The following DNAH14 variants were observed in gnomAD, a reference collection of about 807,000 sequenced individuals.
The protein encoded by DNAH14 is dynein axonemal heavy chain 14.
In DNAH14, 478 loss-of-function variants were observed where a neutral mutation model predicts 520.9. The observed-to-expected ratio is 0.92, with a 90% CI of 0.85 to 0.99. DNAH14 has a LOEUF of 0.99. Ranked by LOEUF, DNAH14 falls within the 50% of genes least tolerant of loss-of-function variation. The pLI is 0.00. For synonymous variants in DNAH14, 1,581 were observed against 1,757.2 expected, an observed-to-expected ratio of 0.90 and a Z score of 2.51; for missense variants, 4,831 against 5,234.5, an observed-to-expected ratio of 0.92 and a Z score of 2.38.
intron 5 of DNAH14, among the ~76,000 whole-genome samples, chr1:224,967,074 C>G (rs1003910221): frequency 6.6e-6 from 1 of 151,892 alleles, no homozygotes; most frequent in Non-Finnish European, 1.5e-5. Context: ...TTAATATGCC[C>G]AAAAGATTTC....
At chr1:225,076,299 C>G (rs559346946) in intron 17 of DNAH14, among the ~76,000 whole-genome samples, 1 of 152,244 alleles carries the variant, frequency 6.6e-6, no homozygotes, top group Admixed American at 6.5e-5. Flanking sequence ...CTGTGAGGAC[C>G]AGCTTGGAGT....
At chr1:225,335,205 GTA>G (rs2094911957) in intron 66 of DNAH14, among the ~76,000 whole-genome samples, 2 of 140,296 alleles carry the variant, frequency 1.4e-5, no homozygotes, top group Non-Finnish European at 3.2e-5. Flanking sequence ...ATGCACACAC[GTA>G]CATGTGTGTA....
chr1:224,977,632 A>G (rs1455470981), intron 8 of DNAH14, among the ~76,000 whole-genome samples: 1 of 152,232 alleles, frequency 6.6e-6, no homozygotes, highest in African/African-American at 2.4e-5. Context: ...TACATTAAAT[A>G]GGTACAGCTT....
At chr1:225,101,862 T>G (rs926902339) in intron 23 of DNAH14, among the ~76,000 whole-genome samples, 2 of 152,078 alleles carry the variant, frequency 1.3e-5, no homozygotes, top group African/African-American at 2.4e-5. Context: ...TCCTTTCTTT[T>G]GGGTATATAC....
At chr1:224,984,390 C>CT (rs1308865932) in intron 8 of DNAH14, among the ~76,000 whole-genome samples, 1 of 152,156 alleles carries the variant, frequency 6.6e-6, no homozygotes, top group African/African-American at 2.4e-5. Flanking sequence ...CAAAAATCAA[C>CT]TGAAGATGGA....
At chr1:225,205,827 C>T in intron 39 of DNAH14, 144 bp from the exon 40 acceptor site, 1 of 633,594 alleles carries the variant, frequency 1.6e-6, no homozygotes, top group Admixed American at 2.9e-5. Context: ...CCAGGGACTA[C>T]ATATAAACAC....
rs564325546 is a variant in DNAH14, at chr1:225,013,650, A to G, written c.1107+6106A>G. ...GCTGCCTTTCTTTCAGAGATGCCCT[A>G]CCCAGAGAGGAGGAATCTAGAGAAG... On this transcript the variant is annotated intron_variant, in intron 10 of 85. Coordinates refer to ENST00000682510, the MANE Select transcript of DNAH14 (RefSeq NM_001367479.1). 3.3e-5 allele frequency among the ~76,000 whole-genome samples: 5 copies of G among 152,218 alleles called. No homozygotes were observed. In the East Asian group the frequency reaches 9.7e-4, roughly 29 times the overall value.
chr1:225,062,300 AAAAG>A (rs2148424320), intron 17 of DNAH14, among the ~76,000 whole-genome samples: 1 of 152,200 alleles, frequency 6.6e-6, no homozygotes, highest in South Asian at 2.1e-4. Context: ...CTGTATCTCA[AAAAG>A]AGAGAGAGAG....
chr1:225,130,829 TAATAA>T lies in DNAH14; in HGVS notation c.4254+7228_4254+7232del, dbSNP rs578132654. Among the ~76,000 whole-genome samples the T allele has an allele frequency of 6.2e-3, 768 of 123,212 alleles. 6 individuals carry two copies. The highest frequency in any genetic ancestry group is 0.019 in the African/African-American group (720 of 38,592). 80.8% of individuals were successfully genotyped at this position (123,212 alleles called of 152,430 possible). The stretch of plus-strand genomic sequence containing the variant: ...AAAACTTAAAGTATAATAATAATAA[TAATAA>T]AATAAAATAAAAAAAGGAAAAAATG... On this transcript the variant is annotated intron_variant, in intron 27 of 85. Coordinates refer to ENST00000682510, the MANE Select transcript of DNAH14 (RefSeq NM_001367479.1).
intron 7 of DNAH14, 32 bp downstream of exon 7, chr1:224,968,906 T>C (rs959795991): frequency 2.1e-6 from 3 of 1,450,476 alleles, no homozygotes; most frequent in Middle Eastern, 1.7e-4. Context: ...CAATTCTTTG[T>C]AGTTTGATCC....
At chr1:225,366,642 G>A (rs2095556289) in intron 76 of DNAH14, among the ~76,000 whole-genome samples, 1 of 152,146 alleles carries the variant, frequency 6.6e-6, no homozygotes, top group African/African-American at 2.4e-5. Context: ...GGAAAATAGA[G>A]AATATGTCCT....
At chr1:224,976,049 T>G (rs986898028) in intron 8 of DNAH14, among the ~76,000 whole-genome samples, 1 of 151,964 alleles carries the variant, frequency 6.6e-6, no homozygotes, top group Non-Finnish European at 1.5e-5. Context: ...AGTGAGTTTC[T>G]TAATCCTGAG....
chr1:225,364,704 C>A, intron 75 of DNAH14, 88 bp from the exon 76 acceptor site: 2 of 898,228 alleles, frequency 2.2e-6, no homozygotes, highest in Non-Finnish European at 3.3e-6. Flanking sequence ...TTCGTAAGGC[C>A]ACTTCAAACA....
intron 21 of DNAH14, among the ~76,000 whole-genome samples, chr1:225,089,442 CAA>C (rs1169182387): frequency 5.4e-4 from 16 of 29,894 alleles, no homozygotes; most frequent in East Asian, 4.0e-3. Context: ...AAAACTCCGT[CAA>C]AAAAAAAAAA....
chr1:225,097,177 G>C lies in DNAH14; in HGVS notation c.3633G>C (p.Trp1211Cys). 1.3e-6 allele frequency: 2 copies of C among 1,550,598 alleles called. No individual in the cohort carries two copies. The highest frequency in any genetic ancestry group is 1.7e-6 in the Non-Finnish European group (2 of 1,146,454). ...LTLFSYTLEE[W>C]MNCQRNWLYL... ...TCTTCTCTTACACCCTTGAGGAATG[G>C]ATGAATTGTCAAAGAAATTGGCTTT... Residue 1211 changes from tryptophan (W) to cysteine (C), a missense_variant, in exon 22 of 86, where the codon TGG becomes TGC. By Grantham distance (215) the Trp-to-Cys change is radical. Transcript: ENST00000682510.
rs1272053716 is a variant in DNAH14 at position 225,308,361 on chromosome 1, A to T, written c.9191A>T (p.Asp3064Val). 1 of 1,543,094 alleles carries T rather than the reference A, an allele frequency of 6.5e-7. No homozygotes were observed. The highest frequency in any genetic ancestry group is 1.2e-5 in the South Asian group (1 of 81,076). The change falls in exon 60 of 86, where the codon GAT (aspartate) becomes GTT (valine). Residue 3064 changes from aspartate to valine, a missense_variant. Transcript: ENST00000682510. Reference protein sequence around the residue: ...VEKVQMLVKQDEEIVAEEVRI... With the variant: ...VEKVQMLVKQVEEIVAEEVRI... ...AAAGTTCAGATGCTTGTTAAACAGG[A>T]TGAAGAAATTGTGGCAGAAGAAGTA... is the stretch of plus-strand genomic sequence containing the variant.
intron 37 of DNAH14, among the ~76,000 whole-genome samples, chr1:225,188,645 G>GT (rs1027474842): frequency 6.6e-6 from 1 of 151,748 alleles, no homozygotes; most frequent in African/African-American, 2.4e-5. Context: ...TTTGTTTTTT[G>GT]TTTTTTGGAC....
chr1:225,199,478 T>C lies in DNAH14; in HGVS notation c.5887-4705T>C, dbSNP rs564020631. On this transcript the variant is annotated intron_variant, in intron 38 of 85. Coordinates refer to ENST00000682510, the MANE Select transcript of DNAH14 (RefSeq NM_001367479.1). ...TCTTTTTGATATAAGTGTTTAGGGC[T>C]ATGAACTTTCCTCTTAGCACTGCCT... 5.3e-5 allele frequency among the ~76,000 whole-genome samples: 8 copies of C among 152,296 alleles called. No homozygotes were observed. The South Asian group carries it at 1.0e-3, about 20-fold the overall frequency.
intron 42 of DNAH14, among the ~76,000 whole-genome samples, chr1:225,238,057 A>T (rs2091720413): frequency 6.6e-6 from 1 of 152,144 alleles, no homozygotes; most frequent in African/African-American, 2.4e-5. Flanking sequence ...TTGGGTTACA[A>T]CATGCTCCTT....
Sources: allele counts gnomAD v4.1 joint callset (sites outside exome capture counted in the v4.1 genomes callset), GRCh38; gene constraint gnomAD v4.1.1; transcripts MANE v1.5; gene names NCBI Gene and HGNC (gene_info 2026-07-23, HGNC 2026-07-21).